The following NTNG1 variants were observed in gnomAD, a reference collection of about 807,000 sequenced individuals.
NTNG1 encodes netrin-G1.
A neutral mutation model predicts 54.0 loss-of-function variants in NTNG1; 16 were observed. That is an observed-to-expected ratio of 0.30 (90% CI 0.20 to 0.45). The LOEUF is 0.45. Among genes scored for constraint, NTNG1 ranks in the 20% least tolerant of loss-of-function variants. The pLI, the probability that NTNG1 is intolerant of heterozygous loss-of-function variation, is 1.00. For synonymous variants in NTNG1, 255 were observed against 263.1 expected (o/e 0.97, Z 0.30); for missense variants, 530 against 678.7 (o/e 0.78, Z 2.43).
chr1:107,295,277 A>G (rs1227301278), intron 2 of NTNG1, among the ~76,000 whole-genome samples: 2 of 152,164 alleles, frequency 1.3e-5, no homozygotes, highest in Non-Finnish European at 2.9e-5. Context: ...TTTAAGCGTC[A>G]TTACCTATAC....
chr1:107,304,856 G>C (rs771690199), intron 2 of NTNG1, among the ~76,000 whole-genome samples: 1 of 151,864 alleles, frequency 6.6e-6, no homozygotes, highest in African/African-American at 2.4e-5. Context: ...ATCTACATTA[G>C]GTATTTCTTC....
chr1:107,246,584 T>G (rs942433421), intron 2 of NTNG1, among the ~76,000 whole-genome samples: 2 of 152,102 alleles, frequency 1.3e-5, no homozygotes, highest in Non-Finnish European at 2.9e-5. Context: ...TTTTCTCATC[T>G]ACTCCTATTT....
At chr1:107,452,470 G>T (rs953549887) in intron 7 of NTNG1, among the ~76,000 whole-genome samples, 3 of 152,148 alleles carry the variant, frequency 2.0e-5, no homozygotes, top group Non-Finnish European at 4.4e-5. Flanking sequence ...ACAGAAACTT[G>T]TATTGAAATT....
chr1:107,443,768 C>T (rs191571530), intron 7 of NTNG1, among the ~76,000 whole-genome samples: 2 of 152,240 alleles, frequency 1.3e-5, no homozygotes, highest in Admixed American at 1.3e-4. Flanking sequence ...ACAAGTTGGT[C>T]TCATCAATAA....
At chr1:107,422,408 T>C (rs889796948) in intron 5 of NTNG1, among the ~76,000 whole-genome samples, 2 of 151,992 alleles carry the variant, frequency 1.3e-5, no homozygotes, top group African/African-American at 4.8e-5. Context: ...ATGCTAGATA[T>C]ATAAGAGGCC....
In NTNG1 at chr1:107,302,156, T is replaced by C. The variant is rs190684178; in HGVS notation, c.247-22126T>C. Among the ~76,000 whole-genome samples, 189 of 152,322 alleles carry C rather than the reference T, an allele frequency of 1.2e-3. 1 individual carries two copies. The highest frequency in any genetic ancestry group is 4.4e-3 in the African/African-American group (184 of 41,582). On this transcript the variant is annotated intron_variant, in intron 2 of 7. Coordinates refer to ENST00000370068, the MANE Select transcript of NTNG1 (RefSeq NM_001113226.3). ...GGATAAGCCCTACTCAGGTCTTAGC[T>C]TTTGCCCTTCTCTTGTCCATGTACG...
At chr1:107,354,780 G>A (rs1396291068) in intron 3 of NTNG1, among the ~76,000 whole-genome samples, 12 of 152,152 alleles carry the variant, frequency 7.9e-5, no homozygotes, top group South Asian at 4.2e-4. Context: ...TTCCTCATCC[G>A]CTTCCACTGG....
intron 7 of NTNG1, among the ~76,000 whole-genome samples, chr1:107,448,112 T>C (rs1056143451): frequency 2.0e-5 from 3 of 152,092 alleles, no homozygotes; most frequent in Non-Finnish European, 4.4e-5. Context: ...TGACTTCCAG[T>C]ACCACTTTTC....
chr1:107,435,733 GGAAACTGA>G (rs1280752316), intron 6 of NTNG1, among the ~76,000 whole-genome samples: 1 of 152,056 alleles, frequency 6.6e-6, no homozygotes, highest in African/African-American at 2.4e-5. Flanking sequence ...TTTAAATAAT[GGAAACTGA>G]GAGGCACAAT....
chr1:107,272,101 C>T (rs1664182923), intron 2 of NTNG1, among the ~76,000 whole-genome samples: 1 of 152,106 alleles, frequency 6.6e-6, no homozygotes, highest in Admixed American at 6.6e-5. Context: ...GACTCTCCAA[C>T]AAATATTTAT....
intron 7 of NTNG1, among the ~76,000 whole-genome samples, chr1:107,445,780 G>C (rs893128130): frequency 6.6e-6 from 1 of 152,174 alleles, no homozygotes; most frequent in Admixed American, 6.6e-5. Context: ...ACTCAACCCT[G>C]CTATTGTACT....
At chr1:107,332,189 A>G (rs541401087) in intron 3 of NTNG1, among the ~76,000 whole-genome samples, 27 of 152,248 alleles carry the variant, frequency 1.8e-4, no homozygotes, top group African/African-American at 6.0e-4. Context: ...GGTTTGTACT[A>G]TTATAAGGAG....
At chr1:107,454,285 C>G (rs1676797677) in intron 7 of NTNG1, among the ~76,000 whole-genome samples, 1 of 152,216 alleles carries the variant, frequency 6.6e-6, no homozygotes, top group Non-Finnish European at 1.5e-5. Context: ...TCACTGCCCT[C>G]TGTGTGCAGT....
In NTNG1 at chr1:107,480,737, G is replaced by C; in HGVS notation, c.1517G>C (p.Gly506Ala). 6.2e-7 allele frequency: 1 copy of C among 1,609,322 alleles called. No individual in the cohort carries two copies. The highest frequency in any genetic ancestry group is 1.9e-4 in the Middle Eastern group (1 of 5,318). ...GAGAAGCTGCGGTGCGAGGAGGCTG[G>C]CAGCTGCGGCTCCGACTCTGGCCAG... ...LCEKLRCEEA[G>A]SCGSDSGQGA... The change falls in exon 8 of 8, where the codon GGC becomes GCC. Residue 506 changes from glycine (G) to alanine (A), a missense_variant. Transcript: ENST00000370068.
Position 107,385,837 on chromosome 1 carries a change from G to GTT in NTNG1, c.888-9307_888-9306dup, listed in dbSNP as rs199598070. On this transcript the variant is annotated intron_variant, in intron 3 of 7. Transcript: ENST00000370068. Reference sequence around the variant, plus strand: ...TAAATGCCATACTTTTAAGAATTTTGTTTTTTTTTTTAATGTACAATTCAG... The same window carrying GTT: ...TAAATGCCATACTTTTAAGAATTTTGTTTTTTTTTTTTTAATGTACAATTCAG... 5.5e-4 allele frequency among the ~76,000 whole-genome samples: 77 copies of GTT among 140,500 alleles called. No individual in the cohort carries two copies. In the East Asian group the frequency reaches 0.013, roughly 24 times the overall value. The allele number at this position is 140,500 out of a possible 152,430, so 92.2% of individuals were successfully genotyped here.
At chr1:107,208,140 T>A (rs891829890) in intron 2 of NTNG1, among the ~76,000 whole-genome samples, 1 of 151,888 alleles carries the variant, frequency 6.6e-6, no homozygotes, top group Non-Finnish European at 1.5e-5. Context: ...CATGCAGAAA[T>A]GGAGGGAGGG....
chr1:107,455,358 C>T (rs1393083210), intron 7 of NTNG1, among the ~76,000 whole-genome samples: 1 of 152,346 alleles, frequency 6.6e-6, no homozygotes, highest in East Asian at 1.9e-4. Context: ...GCCACCACGC[C>T]CAGCCCATGG....
At chr1:107,227,308 G>T (rs1279107754) in intron 2 of NTNG1, among the ~76,000 whole-genome samples, 1 of 152,096 alleles carries the variant, frequency 6.6e-6, no homozygotes, top group Non-Finnish European at 1.5e-5. Context: ...TGGCACCCAG[G>T]ATACAGTGCA....
chr1:107,284,634 T>TTA (rs765495469), intron 2 of NTNG1, among the ~76,000 whole-genome samples: 5 of 152,002 alleles, frequency 3.3e-5, no homozygotes, highest in Admixed American at 2.0e-4. Flanking sequence ...AGAACAAAAA[T>TTA]TATATATATA....
Sources: allele counts gnomAD v4.1 joint callset (sites outside exome capture counted in the v4.1 genomes callset), GRCh38; gene constraint gnomAD v4.1.1; transcripts MANE v1.5; gene names NCBI Gene and HGNC (gene_info 2026-07-23, HGNC 2026-07-21).